STEAP1B: variants seen among roughly 807,000 people sequenced by gnomAD.
The protein encoded by STEAP1B is STEAP family protein MGC87042.
A neutral mutation model predicts 27.9 loss-of-function variants in STEAP1B; 13 were observed. The ratio of observed to expected loss-of-function variants is 0.47; its 90% CI spans 0.30 to 0.74. The LOEUF is 0.74. Ranked by LOEUF, STEAP1B falls within the 30% of genes least tolerant of loss-of-function variation. STEAP1B has a pLI of 0.06. For missense variants in STEAP1B, 250 were observed against 298.7 expected, an observed-to-expected ratio of 0.84 and a Z score of 1.20; for synonymous variants, 86 against 107.1, an observed-to-expected ratio of 0.80 and a Z score of 1.22.
chr7:22,434,968 T>C (rs1032181483), intron 4 of STEAP1B, among the ~76,000 whole-genome samples: 4 of 152,320 alleles, frequency 2.6e-5, no homozygotes, highest in African/African-American at 9.6e-5. Context: ...GTGGAGTAGC[T>C]ACTAGCCACA....
At chr7:22,499,558 T>C (rs1272084076) in intron 1 of STEAP1B, among the ~76,000 whole-genome samples, 1 of 152,214 alleles carries the variant, frequency 6.6e-6, no homozygotes, top group Non-Finnish European at 1.5e-5. Flanking sequence ...TACAAACTCC[T>C]TCCAGTGGAT....
chr7:22,435,728 C>T (rs888377712), intron 4 of STEAP1B, among the ~76,000 whole-genome samples: 9 of 152,176 alleles, frequency 5.9e-5, no homozygotes, highest in Admixed American at 3.3e-4. Flanking sequence ...GTGCACGATA[C>T]GCACCGTGGG....
chr7:22,436,942 T>C, intron 4 of STEAP1B, among the ~76,000 whole-genome samples: 1 of 152,202 alleles, frequency 6.6e-6, no homozygotes, highest in East Asian at 1.9e-4. Context: ...ATGGTATTTC[T>C]GGGGCAAAGA....
chr7:22,479,454 C>T (rs543504352), intron 4 of STEAP1B, among the ~76,000 whole-genome samples: 3 of 152,296 alleles, frequency 2.0e-5, no homozygotes, highest in Admixed American at 2.0e-4. Context: ...GAAAAGAAGA[C>T]AGACTTTATT....
intron 4 of STEAP1B, among the ~76,000 whole-genome samples, chr7:22,435,060 T>C (rs1392397576): frequency 2.0e-5 from 3 of 152,094 alleles, no homozygotes; most frequent in Non-Finnish European, 2.9e-5. Context: ...CTCAGGTCAA[T>C]GTAAATAGCC....
intron 4 of STEAP1B, among the ~76,000 whole-genome samples, chr7:22,476,951 T>C (rs1785983502): frequency 6.6e-6 from 1 of 152,212 alleles, no homozygotes; most frequent in Admixed American, 6.5e-5. Flanking sequence ...TTGTCCACTC[T>C]CAGCCCCTAG....
intron 4 of STEAP1B, among the ~76,000 whole-genome samples, chr7:22,439,114 T>C (rs1035541045): frequency 6.6e-6 from 1 of 152,180 alleles, no homozygotes; most frequent in African/African-American, 2.4e-5. Flanking sequence ...CAGACCCTAA[T>C]CTACTAAAGA....
chr7:22,477,146 A>T (rs1785986934), intron 4 of STEAP1B, among the ~76,000 whole-genome samples: 1 of 152,182 alleles, frequency 6.6e-6, no homozygotes. Flanking sequence ...CACTGGTGAG[A>T]CGCAAGTCAT....
At chr7:22,427,536 T>C (rs1003359638) in intron 4 of STEAP1B, among the ~76,000 whole-genome samples, 5 of 152,210 alleles carry the variant, frequency 3.3e-5, no homozygotes, top group Admixed American at 3.3e-4. Context: ...CGTGGACATA[T>C]TCACTTTGAC....
chr7:22,499,086 A>C (rs1056430233), intron 1 of STEAP1B, among the ~76,000 whole-genome samples: 1 of 152,268 alleles, frequency 6.6e-6, no homozygotes, highest in Non-Finnish European at 1.5e-5. Context: ...AACAGAAAAC[A>C]ACCTAGTGTT....
intron 4 of STEAP1B, among the ~76,000 whole-genome samples, chr7:22,449,401 T>C (rs1448409538): frequency 3.9e-5 from 6 of 152,266 alleles, no homozygotes; most frequent in Admixed American, 3.3e-4. Flanking sequence ...GCAATGTTTA[T>C]CTTTCTGTGA....
intron 4 of STEAP1B, among the ~76,000 whole-genome samples, chr7:22,447,578 T>C (rs1462421093): frequency 1.3e-5 from 2 of 152,232 alleles, no homozygotes; most frequent in African/African-American, 4.8e-5. Context: ...AGGGCAAAGC[T>C]GACACAAATC....
intron 4 of STEAP1B, among the ~76,000 whole-genome samples, chr7:22,434,324 C>A (rs1396243974): frequency 6.6e-6 from 1 of 152,188 alleles, no homozygotes; most frequent in Non-Finnish European, 1.5e-5. Flanking sequence ...CCCGCCAACT[C>A]CACAAGAAAG....
intron 4 of STEAP1B, among the ~76,000 whole-genome samples, chr7:22,465,847 T>C (rs1562576891): frequency 6.6e-6 from 1 of 152,126 alleles, no homozygotes; most frequent in East Asian, 1.9e-4. Flanking sequence ...TGTCTAGTGG[T>C]GGTGGGCTGG....
chr7:22,423,603 G>A (rs1004145391), intron 4 of STEAP1B, among the ~76,000 whole-genome samples: 2 of 152,224 alleles, frequency 1.3e-5, no homozygotes, highest in Non-Finnish European at 2.9e-5. Flanking sequence ...CCTAGGGCTG[G>A]GGTTAGGAAT....
chr7:22,419,898 T>G, intron 4 of STEAP1B, 62 bp from the exon 5 acceptor site: 1 of 1,488,550 alleles, frequency 6.7e-7, no homozygotes, highest in Non-Finnish European at 9.0e-7. Context: ...CTATATTAAT[T>G]TGCGTCCATT....
intron 4 of STEAP1B, among the ~76,000 whole-genome samples, chr7:22,445,587 A>C (rs1018817246): frequency 1.3e-5 from 2 of 152,260 alleles, no homozygotes; most frequent in Admixed American, 1.3e-4. Flanking sequence ...TTCAGGGTAC[A>C]TCCGAGCCTG....
chr7:22,494,310 T>C (rs1408932905), intron 2 of STEAP1B, among the ~76,000 whole-genome samples: 4 of 151,958 alleles, frequency 2.6e-5, no homozygotes, highest in South Asian at 2.1e-4. Context: ...TATCTAAAAG[T>C]AGATTTATTT....
chr7:22,454,723 T>C (rs1200450619), intron 4 of STEAP1B, among the ~76,000 whole-genome samples: 1 of 146,314 alleles, frequency 6.8e-6, no homozygotes, highest in East Asian at 2.0e-4. Context: ...TGCAGGAGCC[T>C]GGGGAGTAAG....
Sources: allele counts gnomAD v4.1 joint callset (sites outside exome capture counted in the v4.1 genomes callset), GRCh38; gene constraint gnomAD v4.1.1; transcripts MANE v1.5; gene names NCBI Gene and HGNC (gene_info 2026-07-23, HGNC 2026-07-21).